The following TANC1 variants were observed in gnomAD, a reference collection of about 807,000 sequenced individuals.
TANC1 encodes the protein protein TANC1.
A neutral mutation model predicts 149.7 loss-of-function variants in TANC1; 77 were observed. That is an observed-to-expected ratio of 0.51 (90% confidence interval 0.43 to 0.62). The LOEUF is 0.62. TANC1 is among the 20% of genes least tolerant of loss of function. TANC1 has a pLI of 0.00. For synonymous variants in TANC1, 854 were observed against 925.0 expected (o/e 0.92, Z 1.39); for missense variants, 1,985 against 2,321.8 (o/e 0.85, Z 2.98).
At chr2:159,039,284 C>CA (rs1030844326) in intron 2 of TANC1, among the ~76,000 whole-genome samples, 1 of 152,020 alleles carries the variant, frequency 6.6e-6, no homozygotes. Context: ...TTGATCTTTT[C>CA]AAAAAACAGC....
intron 19 of TANC1, among the ~76,000 whole-genome samples, chr2:159,213,759 C>T (rs1339713460): frequency 6.6e-6 from 1 of 152,044 alleles, no homozygotes; most frequent in Non-Finnish European, 1.5e-5. Flanking sequence ...AGGAAAAGCA[C>T]TATTATGAGA....
At chr2:159,095,341 C>T (rs1393978318) in intron 3 of TANC1, among the ~76,000 whole-genome samples, 2 of 152,286 alleles carry the variant, frequency 1.3e-5, no homozygotes, top group South Asian at 2.1e-4. Flanking sequence ...AAAAACCGTC[C>T]ATGCATAGGT....
In TANC1 at chr2:159,188,560, A is replaced by G. The variant is rs369842416; in HGVS notation, c.2742+1536A>G. Among the ~76,000 whole-genome samples, 116 of 152,372 alleles carry G rather than the reference A, an allele frequency of 7.6e-4. No individual in the cohort carries two copies. In the South Asian group the frequency reaches 0.023, roughly 31 times the overall value. Reference sequence around the variant, plus strand: ...GGATTTAGGTTGCAGTTCTTTTCTCAGCTGACAACAGAAAGGAGAGGAGAA... The same window carrying G: ...GGATTTAGGTTGCAGTTCTTTTCTCGGCTGACAACAGAAAGGAGAGGAGAA... On this transcript the variant is annotated intron_variant, in intron 16 of 26. Transcript: ENST00000263635.
At chr2:159,052,039 G>T (rs1446884676) in intron 2 of TANC1, among the ~76,000 whole-genome samples, 1 of 152,136 alleles carries the variant, frequency 6.6e-6, no homozygotes, top group Non-Finnish European at 1.5e-5. Context: ...GTATGAGGCA[G>T]TGGGGGCGGG....
At chr2:158,983,346 A>T (rs1316812064) in intron 1 of TANC1, among the ~76,000 whole-genome samples, 3 of 151,770 alleles carry the variant, frequency 2.0e-5, no homozygotes, top group African/African-American at 7.3e-5. Flanking sequence ...GGGTGCCTGT[A>T]GTCCCAGCTA....
chr2:159,165,814 A>G (rs1422657558), intron 8 of TANC1, among the ~76,000 whole-genome samples: 3 of 152,238 alleles, frequency 2.0e-5, no homozygotes, highest in Non-Finnish European at 4.4e-5. Context: ...CAGGTAAAGG[A>G]AGGGTGATGC....
At chr2:159,055,052 A>G (rs2041747531) in intron 2 of TANC1, among the ~76,000 whole-genome samples, 1 of 152,206 alleles carries the variant, frequency 6.6e-6, no homozygotes, top group Admixed American at 6.5e-5. Context: ...TAAGTTGGGG[A>G]TTGTAGCTCT....
At chr2:159,070,909 A>AT (rs1232994335) in intron 3 of TANC1, among the ~76,000 whole-genome samples, 6 of 151,768 alleles carry the variant, frequency 4.0e-5, no homozygotes, top group African/African-American at 1.5e-4. Context: ...CTCAGCTAAT[A>AT]TTTTTTTTTC....
At chr2:159,138,660 C>T (rs2051038947) in intron 5 of TANC1, among the ~76,000 whole-genome samples, 1 of 152,128 alleles carries the variant, frequency 6.6e-6, no homozygotes, top group African/African-American at 2.4e-5. Context: ...AAAATGTGGT[C>T]TTCTGTTATC....
chr2:159,000,393 A>C (rs909791600), intron 1 of TANC1, among the ~76,000 whole-genome samples: 1 of 152,022 alleles, frequency 6.6e-6, no homozygotes, highest in African/African-American at 2.4e-5. Context: ...CTAGAGTAGG[A>C]GGGAGGAGAA....
In TANC1 at chr2:159,164,679, C is replaced by G. The variant is rs574517504; in HGVS notation, c.946+1133C>G. Among the ~76,000 whole-genome samples the G allele has an allele frequency of 2.0e-5, 3 of 152,328 alleles. No individual in the cohort carries two copies. In the South Asian group the frequency reaches 6.2e-4, roughly 32 times the overall value. On this transcript the variant is annotated intron_variant, in intron 8 of 26. Transcript: ENST00000263635. ...CTGCAGGGACCCAGATTCTCCGCTC[C>G]TACGTCAGAGAATTTCTCTGTGATT...
chr2:159,149,175 C>T lies in TANC1; in HGVS notation c.398C>T (p.Pro133Leu), dbSNP rs184439905. ...GCCGATAATGAACCGAGCTGTTCGC[C>T]GGCAGCTCAAGAACTGTTGACAAGG... ...AKADNEPSCS[P>L]AAQELLTRLG... The change falls in exon 6 of 27, where the codon CCG becomes CTG. Residue 133 changes from proline (P) to leucine (L), a missense_variant. Pro to Leu is a moderately conservative substitution (Grantham distance 98). Around this residue, in one of 3 missense-constraint regions of TANC1, gnomAD observed 557 missense variants for 612.9 expected, o/e 0.91. Transcript: ENST00000263635. 39 of 1,610,178 alleles carry T rather than the reference C, an allele frequency of 2.4e-5. No individual in the cohort carries two copies. Among genetic ancestry groups the T allele is most frequent in the Middle Eastern group, 1.7e-4 (1 of 6,052 alleles).
At chr2:159,229,136 C>T (rs1454519316) in intron 26 of TANC1, among the ~76,000 whole-genome samples, 2 of 152,064 alleles carry the variant, frequency 1.3e-5, no homozygotes, top group African/African-American at 4.8e-5. Flanking sequence ...CCTCCCCCCA[C>T]GTGAAACTTA....
At chr2:159,167,955 T>A (rs1040999950) in intron 8 of TANC1, among the ~76,000 whole-genome samples, 38 of 152,064 alleles carry the variant, frequency 2.5e-4, no homozygotes, top group African/African-American at 7.7e-4. Context: ...TCGACTTCTG[T>A]CCCCTGCACC....
At chr2:159,050,350 G>A (rs553008163) in intron 2 of TANC1, among the ~76,000 whole-genome samples, 8 of 152,308 alleles carry the variant, frequency 5.3e-5, no homozygotes, top group African/African-American at 1.4e-4. Flanking sequence ...GCCTCCCAAA[G>A]TGTTGATTAC....
chr2:159,006,427 A>G (rs1469345547), intron 2 of TANC1, among the ~76,000 whole-genome samples: 1 of 152,236 alleles, frequency 6.6e-6, no homozygotes, highest in South Asian at 2.1e-4. Flanking sequence ...AGAAAAGTAT[A>G]TTAGGAGAAA....
intron 7 of TANC1, among the ~76,000 whole-genome samples, chr2:159,150,946 C>T (rs2052728667): frequency 6.6e-6 from 1 of 152,116 alleles, no homozygotes; most frequent in African/African-American, 2.4e-5. Context: ...CTCAAGGTCA[C>T]TTATTTTCCT....
intron 1 of TANC1, among the ~76,000 whole-genome samples, chr2:158,970,359 G>A (rs918535522): frequency 6.6e-6 from 1 of 152,320 alleles, no homozygotes; most frequent in Admixed American, 6.5e-5. Flanking sequence ...AGCTTCCTGG[G>A]TCAGCCTGGA....
chr2:159,029,093 C>T (rs2039579393), intron 2 of TANC1, among the ~76,000 whole-genome samples: 1 of 152,278 alleles, frequency 6.6e-6, no homozygotes, highest in South Asian at 2.1e-4. Flanking sequence ...AGAGTGGAAT[C>T]GTGTGCTGTT....
Sources: gnomAD v4.1 joint callset for allele counts (sites outside exome capture counted in the v4.1 genomes callset) on GRCh38, gnomAD v4.1.1 for gene constraint, gnomAD v4.1.1 regional missense constraint, MANE v1.5 for transcripts, NCBI Gene and HGNC (gene_info 2026-07-23, HGNC 2026-07-21) for gene names.